ABCD2: variants seen among roughly 807,000 people sequenced by gnomAD.
The protein encoded by ABCD2 is ATP binding cassette subfamily D member 2, also known as ATP-binding cassette sub-family D member 2.
ABCD2 carries 36 observed loss-of-function variants against 70.9 expected under a neutral mutation model. The ratio of observed to expected loss-of-function variants is 0.51; its 90% confidence interval spans 0.39 to 0.67. The LOEUF (loss-of-function observed/expected upper bound fraction) is 0.67. Among genes scored for constraint, ABCD2 ranks in the 30% least tolerant of loss-of-function variants. The pLI, the probability that ABCD2 is intolerant of heterozygous loss-of-function variation, is 0.00. For missense variants in ABCD2, 729 were observed against 890.2 expected (o/e 0.82, Z 2.30); for synonymous variants, 304 against 306.9 (o/e 0.99, Z 0.10).
At chr12:39,554,351 T>A (rs558133492) in intron 9 of ABCD2, among the ~76,000 whole-genome samples, 3 of 152,264 alleles carry the variant, frequency 2.0e-5, no homozygotes, top group African/African-American at 7.2e-5. Context: ...TTTTTTCATA[T>A]TCTGGATGTA....
At chr12:39,587,674 A>C (rs1941684353) in intron 6 of ABCD2, among the ~76,000 whole-genome samples, 1 of 152,202 alleles carries the variant, frequency 6.6e-6, no homozygotes, top group South Asian at 2.1e-4. Context: ...AGGCAGGAAA[A>C]GGCCTACGTA....
intron 9 of ABCD2, among the ~76,000 whole-genome samples, chr12:39,560,958 A>G (rs183108828): frequency 5.3e-5 from 8 of 152,310 alleles, no homozygotes; most frequent in Admixed American, 3.9e-4. Flanking sequence ...AAAATCACTT[A>G]CCCACAAAGA....
chr12:39,539,724 A>T, the ABCD2 span: 1 of 153,960 alleles, frequency 6.5e-6, no homozygotes. Context: ...GCAGTGCCTT[A>T]TAAGAGATCA....
intron 6 of ABCD2, among the ~76,000 whole-genome samples, chr12:39,599,963 C>T (rs139256303): frequency 2.6e-5 from 4 of 152,256 alleles, no homozygotes; most frequent in African/African-American, 9.6e-5. Flanking sequence ...ATTACAAATT[C>T]TTAGTGTATA....
At chr12:39,556,982 CAAAA>C (rs57091997) in intron 9 of ABCD2, among the ~76,000 whole-genome samples, 1 of 110,700 alleles carries the variant, frequency 9.0e-6, no homozygotes, top group African/African-American at 3.2e-5. Flanking sequence ...GACTCTGTCT[CAAAA>C]AAAAAAAAAA....
In ABCD2 at chr12:39,552,721, C is replaced by T. The variant is rs1027458725; in HGVS notation, c.*1191G>A. 10 of 151,848 alleles carry T rather than the reference C, an allele frequency of 6.6e-5. No individual in the cohort carries two copies. Among genetic ancestry groups the T allele is most frequent in the African/African-American group, 2.4e-4 (10 of 41,384 alleles). 9.4% of individuals were successfully genotyped at this position (151,848 alleles called of 1,614,324 possible). On this transcript the variant is annotated 3_prime_UTR_variant, in exon 10 of 10. Transcript: ENST00000308666. The stretch of plus-strand genomic sequence containing the variant: ...GTACTTAATTTTCATTTCTTGTAAA[C>T]AATAACCAAATAACAATAAGACTAA...
At chr12:39,614,908 CTTACA>C (rs1036362808) in intron 2 of ABCD2, among the ~76,000 whole-genome samples, 1 of 151,926 alleles carries the variant, frequency 6.6e-6, no homozygotes, top group African/African-American at 2.4e-5. Flanking sequence ...CTATGAAATT[CTTACA>C]TTACTTTTCT....
At chr12:39,567,275 T>C (rs1164274286) in intron 9 of ABCD2, among the ~76,000 whole-genome samples, 2 of 152,214 alleles carry the variant, frequency 1.3e-5, no homozygotes, top group African/African-American at 4.8e-5. Flanking sequence ...TAAGTCTCTT[T>C]CTAGGTCTCT....
chr12:39,607,009 T>C (rs1941977520), intron 3 of ABCD2, among the ~76,000 whole-genome samples: 1 of 152,082 alleles, frequency 6.6e-6, no homozygotes. Context: ...AGACATACAC[T>C]GAGATGGACA....
chr12:39,600,078 C>T (rs540522401), intron 6 of ABCD2, among the ~76,000 whole-genome samples: 3 of 152,212 alleles, frequency 2.0e-5, no homozygotes, highest in South Asian at 4.1e-4. Flanking sequence ...CTCATTCTTA[C>T]AGTAAAAAAA....
intron 9 of ABCD2, among the ~76,000 whole-genome samples, chr12:39,572,137 A>G (rs1467823462): frequency 1.3e-5 from 2 of 152,210 alleles, no homozygotes; most frequent in African/African-American, 4.8e-5. Context: ...TGTTCCCTCA[A>G]TTGAGGAAAC....
intron 9 of ABCD2, among the ~76,000 whole-genome samples, chr12:39,560,873 T>C (rs1350571954): frequency 2.0e-5 from 3 of 152,046 alleles, no homozygotes; most frequent in East Asian, 1.9e-4. Flanking sequence ...GTAAGCCTCA[T>C]GGTAACTACA....
chr12:39,576,821 T>C (rs919840092), intron 8 of ABCD2, among the ~76,000 whole-genome samples: 1 of 152,070 alleles, frequency 6.6e-6, no homozygotes, highest in Admixed American at 6.5e-5. Context: ...TTATCTTGAT[T>C]GGGGTATTGG....
rs143494697 is a variant in ABCD2, at chr12:39,602,551, A to G, written c.1500+1361T>C. Among the ~76,000 whole-genome samples, 7 of 152,304 alleles carry G rather than the reference A, an allele frequency of 4.6e-5. No homozygotes were observed. The East Asian group carries it at 1.3e-3, about 29-fold the overall frequency. On this transcript the variant is annotated intron_variant, in intron 5 of 9. Coordinates refer to ENST00000308666, the MANE Select transcript of ABCD2 (RefSeq NM_005164.4). The stretch of plus-strand genomic sequence containing the variant: ...CTATGCAGAGGAAACAGAACTTCCT[A>G]TTATATTTTAGGGACCTGAGAATTT...
intron 8 of ABCD2, among the ~76,000 whole-genome samples, chr12:39,578,932 T>A (rs1304015680): frequency 6.6e-6 from 1 of 152,190 alleles, no homozygotes; most frequent in Non-Finnish European, 1.5e-5. Context: ...AGTCTTCATA[T>A]TTTAAAATTA....
Position 39,619,734 on chromosome 12 carries a change from C to T in ABCD2, c.-119G>A. 1 of 870,798 alleles carries T rather than the reference C, an allele frequency of 1.1e-6. No individual in the cohort carries two copies. The highest frequency in any genetic ancestry group is 1.7e-6 in the Non-Finnish European group (1 of 581,948). The allele number at this position is 870,798 out of a possible 1,614,324, so 53.9% of individuals were successfully genotyped here. A position where few individuals can be genotyped will look rare whatever the true frequency, so the allele number is the denominator to read the frequency against. On this transcript the variant is annotated 5_prime_UTR_variant, in exon 1 of 10. Coordinates refer to ENST00000308666, the MANE Select transcript of ABCD2 (RefSeq NM_005164.4). ...GCGTCCCATAGTCTGCAGCGTTTCT[C>T]TTCCACTGTTGTGTTTTTAATTTTG...
intron 6 of ABCD2, among the ~76,000 whole-genome samples, chr12:39,588,957 G>A (rs981515375): frequency 1.3e-5 from 2 of 152,064 alleles, no homozygotes; most frequent in African/African-American, 4.8e-5. Context: ...ATTTAAATAT[G>A]GACTGTATTT....
chr12:39,617,433 ATAT>A (rs1942131571), intron 1 of ABCD2, among the ~76,000 whole-genome samples: 1 of 152,118 alleles, frequency 6.6e-6, no homozygotes, highest in East Asian at 1.9e-4. Flanking sequence ...AAATTAAATG[ATAT>A]TATATGAGAC....
intron 9 of ABCD2, among the ~76,000 whole-genome samples, chr12:39,566,276 G>T (rs988682336): frequency 6.6e-6 from 1 of 152,066 alleles, no homozygotes; most frequent in African/African-American, 2.4e-5. Flanking sequence ...TTTTTGGTTG[G>T]TAAGCTATTA....
Sources: gnomAD v4.1 joint callset for allele counts (sites outside exome capture counted in the v4.1 genomes callset) on GRCh38, gnomAD v4.1.1 for gene constraint, MANE v1.5 for transcripts, NCBI Gene and HGNC (gene_info 2026-07-23, HGNC 2026-07-21) for gene names.